Variants in STK24 observed in about 807,000 individuals in gnomAD.
The protein encoded by STK24 is serine/threonine-protein kinase 24.
A neutral mutation model predicts 55.6 loss-of-function variants in STK24; 21 were observed. The ratio of observed to expected loss-of-function variants is 0.38; its 90% CI spans 0.27 to 0.54. STK24 has a LOEUF of 0.54. Ranked by LOEUF, STK24 falls within the 20% of genes least tolerant of loss-of-function variation. STK24 has a pLI of 0.79. For missense variants in STK24, 383 were observed against 538.4 expected (o/e 0.71, Z 2.86); for synonymous variants, 200 against 215.2 (o/e 0.93, Z 0.62).
At chr13:98,523,003 C>G (rs1360920637) in intron 1 of STK24, among the ~76,000 whole-genome samples, 2 of 152,174 alleles carry the variant, frequency 1.3e-5, no homozygotes, top group Non-Finnish European at 2.9e-5. Context: ...ATTCTCAGAC[C>G]TGGGTGAGCC....
intron 9 of STK24, among the ~76,000 whole-genome samples, chr13:98,459,021 T>C (rs1594571278): frequency 6.6e-6 from 1 of 152,218 alleles, no homozygotes; most frequent in Non-Finnish European, 1.5e-5. Flanking sequence ...GTTTAGGATA[T>C]GTCCTGAATA....
intron 1 of STK24, among the ~76,000 whole-genome samples, chr13:98,531,501 G>T (rs979843585): frequency 6.6e-6 from 1 of 152,142 alleles, no homozygotes; most frequent in Admixed American, 6.5e-5. Flanking sequence ...TATCAGGACA[G>T]CATCACACCT....
At position 98,463,774 on chromosome 13, in the gene STK24, G is replaced by C; in HGVS notation, c.846C>G (p.Ser282=). Residue 282 remains serine (S), a synonymous_variant, in exon 7 of 11, where the codon TCC becomes TCG. Transcript: ENST00000539966. ...ACCTGTCGATGAGCTCGGTCAAGTA[G>C]GAAGTTTTCTTTGCATTGCGTAGTA... The part of the protein sequence containing the change: ...KFILRNAKKT[S]YLTELIDRYK... The C allele has an allele frequency of 6.2e-7, 1 of 1,614,160 alleles. No homozygotes were observed. The highest frequency in any genetic ancestry group is 8.5e-7 in the Non-Finnish European group (1 of 1,180,032).
At chr13:98,547,373 C>G (rs928920956) in intron 1 of STK24, among the ~76,000 whole-genome samples, 1 of 151,938 alleles carries the variant, frequency 6.6e-6, no homozygotes, top group African/African-American at 2.4e-5. Context: ...ATAATGAGAC[C>G]CCATCTCCAC....
intron 2 of STK24, among the ~76,000 whole-genome samples, chr13:98,489,104 C>G (rs1339019100): frequency 2.0e-5 from 3 of 152,266 alleles, no homozygotes; most frequent in Admixed American, 1.3e-4. Flanking sequence ...CAGGCTCAGG[C>G]CAGCTCTGAT....
chr13:98,445,962 G>C lies in STK24; in HGVS notation c.*7211C>G, dbSNP rs1892807358. 1.6e-6 allele frequency: 1 copy of C among 610,706 alleles called. No homozygotes were observed. Among genetic ancestry groups the C allele is most frequent in the South Asian group, 2.0e-5 (1 of 50,796 alleles). The allele number at this position is 610,706 out of a possible 1,614,324, so 37.8% of individuals were successfully genotyped here. A position where few individuals can be genotyped will look rare whatever the true frequency, so the allele number is the denominator to read the frequency against. On this transcript the variant is annotated 3_prime_UTR_variant, in exon 11 of 11. Transcript: ENST00000539966. ...ACCTGCCAAGTCTCCCCACACACGG[G>C]GGAGCGGGGGTGGGGCCCACATCCT...
intron 5 of STK24, among the ~76,000 whole-genome samples, chr13:98,473,734 G>A (rs1037294895): frequency 2.0e-5 from 3 of 152,238 alleles, no homozygotes; most frequent in African/African-American, 7.2e-5. Context: ...AAAAGTCACA[G>A]CCACCGCTAC....
chr13:98,469,119 T>C (rs1246471824), intron 5 of STK24, among the ~76,000 whole-genome samples: 1 of 152,246 alleles, frequency 6.6e-6, no homozygotes, highest in Non-Finnish European at 1.5e-5. Context: ...GAACGCCTGC[T>C]TGCGAACGCC....
intron 1 of STK24, among the ~76,000 whole-genome samples, chr13:98,558,352 G>A (rs1897328388): frequency 6.6e-6 from 1 of 152,182 alleles, no homozygotes; most frequent in Non-Finnish European, 1.5e-5. Flanking sequence ...TTTGACAGGA[G>A]GAATCCTGTT....
chr13:98,459,555 C>G (rs950802097), intron 9 of STK24, among the ~76,000 whole-genome samples: 6 of 152,230 alleles, frequency 3.9e-5, no homozygotes, highest in Non-Finnish European at 5.9e-5. Context: ...CGGGGGTCCC[C>G]CGCTGCGTGA....
At chr13:98,516,261 G>A (rs539892323) in intron 2 of STK24, among the ~76,000 whole-genome samples, 5 of 152,174 alleles carry the variant, frequency 3.3e-5, no homozygotes, top group East Asian at 1.9e-4. Context: ...TTTAAAATCC[G>A]GGCCAACTTT....
Position 98,452,946 on chromosome 13 carries a change from A to C in STK24, c.*227T>G, listed in dbSNP as rs1893266243. The C allele has an allele frequency of 2.3e-6, 1 of 444,432 alleles. No homozygotes were observed. The highest frequency in any genetic ancestry group is 4.0e-6 in the Non-Finnish European group (1 of 252,460). The allele number at this position is 444,432 out of a possible 1,614,324, so 27.5% of individuals were successfully genotyped here. Reference sequence around the variant, plus strand: ...AAAAACAAAAGTAATAAAATAAAATAAAATGATCGCTGGAAGGAGCTGACC... The same window carrying C: ...AAAAACAAAAGTAATAAAATAAAATCAAATGATCGCTGGAAGGAGCTGACC... On this transcript the variant is annotated 3_prime_UTR_variant, in exon 11 of 11. Coordinates refer to ENST00000539966, the MANE Select transcript of STK24 (RefSeq NM_001032296.4).
At chr13:98,502,210 C>T (rs1895495821) in intron 2 of STK24, among the ~76,000 whole-genome samples, 2 of 152,280 alleles carry the variant, frequency 1.3e-5, no homozygotes, top group South Asian at 2.1e-4. Context: ...TCCCTCACTA[C>T]ACCAAAGAAG....
chr13:98,508,735 C>G (rs1364183776), intron 2 of STK24: 3 of 152,164 alleles, frequency 2.0e-5, no homozygotes, highest in African/African-American at 2.4e-5. Flanking sequence ...AAAAGGTGGT[C>G]TTAAATCAGA....
intron 1 of STK24, among the ~76,000 whole-genome samples, chr13:98,532,486 C>T (rs1212999991): frequency 1.3e-5 from 2 of 151,700 alleles, no homozygotes; most frequent in Non-Finnish European, 1.5e-5. Flanking sequence ...CCCACACACA[C>T]ACATCCCATA....
Position 98,453,073 on chromosome 13 carries a change from C to G in STK24, c.*100G>C. On this transcript the variant is annotated 3_prime_UTR_variant, in exon 11 of 11. Transcript: ENST00000539966. The stretch of plus-strand genomic sequence containing the variant: ...GCTGGGGTGGCTCCCAGTGGCGCAC[C>G]TCTTCGGTGGAGTCAGCGAAGGCTC... 1 of 1,419,260 alleles carries G rather than the reference C, an allele frequency of 7.0e-7. No individual in the cohort carries two copies. The highest frequency in any genetic ancestry group is 9.8e-7 in the Non-Finnish European group (1 of 1,021,320). The allele number at this position is 1,419,260 out of a possible 1,614,324, so 87.9% of individuals were successfully genotyped here.
chr13:98,540,763 CAAAAAAAA>C (rs35957882), intron 1 of STK24, among the ~76,000 whole-genome samples: 2 of 58,882 alleles, frequency 3.4e-5, no homozygotes, highest in South Asian at 1.4e-3. Flanking sequence ...ATATTAAAAG[CAAAAAAAA>C]AAAAAAAAAA....
chr13:98,543,113 C>T (rs1896933984), intron 1 of STK24: 3 of 651,184 alleles, frequency 4.6e-6, no homozygotes, highest in Middle Eastern at 7.6e-4. Context: ...GGGAGGAGAC[C>T]AGTCATGCCA....
At chr13:98,479,040 C>T (rs912330) in intron 3 of STK24, among the ~76,000 whole-genome samples, 40,765 of 152,144 alleles carry the variant, frequency 0.27, 6,125 homozygotes, top group East Asian at 0.42. Flanking sequence ...GCCCCTGACA[C>T]GCGGGAGGCA....
Sources: allele counts gnomAD v4.1 joint callset (sites outside exome capture counted in the v4.1 genomes callset), GRCh38; gene constraint gnomAD v4.1.1; transcripts MANE v1.5; gene names NCBI Gene and HGNC (gene_info 2026-07-23, HGNC 2026-07-21).